The following OGN variants were observed in gnomAD, a reference collection of about 807,000 sequenced individuals.
The protein encoded by OGN is mimecan.
Under a neutral mutation model 30.8 loss-of-function variants are expected in OGN, and 19 were observed. The ratio of observed to expected loss-of-function variants is 0.62; its 90% CI spans 0.43 to 0.90. OGN has a LOEUF of 0.90. OGN is among the 40% of genes least tolerant of loss of function. The pLI, the probability that OGN is intolerant of heterozygous loss-of-function variation, is 0.00. For synonymous variants in OGN, 126 were observed against 128.3 expected, an observed-to-expected ratio of 0.98 and a Z score of 0.12; for missense variants, 283 against 349.7, an observed-to-expected ratio of 0.81 and a Z score of 1.52.
At chr9:92,401,868 A>G (rs1312271393) in intron 2 of OGN, among the ~76,000 whole-genome samples, 1 of 152,062 alleles carries the variant, frequency 6.6e-6, no homozygotes. Context: ...GTGGTGTCCT[A>G]TTCTTTCTGT....
chr9:92,393,075 G>A lies in OGN; in HGVS notation c.427+11C>T. 3 of 1,609,378 alleles carry A rather than the reference G, an allele frequency of 1.9e-6. No individual in the cohort carries two copies. Among genetic ancestry groups the A allele is most frequent in the Non-Finnish European group, 2.5e-6 (3 of 1,176,974 alleles). On this transcript the variant is annotated intron_variant, in intron 4 of 6. Transcript: ENST00000375561. ...GAGTTAATACTAATATCATATTTCA[G>A]CTTAACTTACGTATGTCTGCAAAAT...
chr9:92,391,290 C>G (rs1842671682), intron 4 of OGN, among the ~76,000 whole-genome samples: 1 of 151,746 alleles, frequency 6.6e-6, no homozygotes, highest in African/African-American at 2.4e-5. Flanking sequence ...ACTTGTAGTC[C>G]CAGCTACTCG....
At chr9:92,386,330 G>A (rs1842420327) in intron 5 of OGN, 34 bp from the exon 6 acceptor site, 1 of 1,344,640 alleles carries the variant, frequency 7.4e-7, no homozygotes, top group African/African-American at 1.4e-5. Context: ...TGTTATTGAG[G>A]TTCTGTACAT....
chr9:92,390,080 A>G (rs1230239037), intron 4 of OGN, 24 bp from the exon 5 acceptor site: 1 of 1,327,336 alleles, frequency 7.5e-7, no homozygotes, highest in Non-Finnish European at 1.1e-6. Flanking sequence ...AATATAAAAA[A>G]CAACTACGTA....
intron 3 of OGN, among the ~76,000 whole-genome samples, chr9:92,397,753 G>A (rs146190750): frequency 2.0e-5 from 3 of 152,284 alleles, no homozygotes; most frequent in Non-Finnish European, 2.9e-5. Context: ...GGAAATAAAT[G>A]TGTGTGTTTA....
At position 92,401,163 on chromosome 9, in the gene OGN, G is replaced by C. The variant is rs776643146; in HGVS notation, c.197C>G (p.Pro66Arg). ...NIKEKETVII[P>R]NEKSLQLQKD... ...TTGTAATTGAAGACTTTTCTCATTG[G>C]GTATTATCACAGTTTCTTTTTCCTA... The change falls in exon 3 of 7, where the codon CCC (proline) becomes CGC (arginine). Residue 66 changes from proline to arginine, a missense_variant. By Grantham distance (103) the Pro-to-Arg change is moderately radical. Transcript: ENST00000375561. 1 of 1,516,762 alleles carries C rather than the reference G, an allele frequency of 6.6e-7. No individual in the cohort carries two copies. Among genetic ancestry groups the C allele is most frequent in the Non-Finnish European group, 9.1e-7 (1 of 1,093,984 alleles). 94.0% of individuals were successfully genotyped at this position (1,516,762 alleles called of 1,614,324 possible).
chr9:92,392,620 G>C (rs574074250), intron 4 of OGN, among the ~76,000 whole-genome samples: 1 of 151,352 alleles, frequency 6.6e-6, no homozygotes, highest in African/African-American at 2.4e-5. Context: ...ATGTCGGGTT[G>C]GGGGGAGGGG....
At chr9:92,385,934 A>G in intron 6 of OGN, 144 bp from the exon 7 acceptor site, 2 of 737,596 alleles carry the variant, frequency 2.7e-6, no homozygotes, top group Middle Eastern at 3.2e-4. Flanking sequence ...GAAATACTCA[A>G]ATGTACACCT....
chr9:92,402,997 A>G (rs1843180814), intron 2 of OGN, among the ~76,000 whole-genome samples: 1 of 152,118 alleles, frequency 6.6e-6, no homozygotes, highest in Admixed American at 6.6e-5. Flanking sequence ...GTTTTCTTTA[A>G]GTTTTATTTT....
At position 92,385,434 on chromosome 9, in the gene OGN, G is replaced by T; in HGVS notation, c.*186C>A. On this transcript the variant is annotated 3_prime_UTR_variant, in exon 7 of 7. Transcript: ENST00000375561. ...ATTTTCATATTACTTTGTTTCGAAC[G>T]TAGACATTCAGTCTTACTTTTTACT... 1.9e-6 allele frequency: 1 copy of T among 529,492 alleles called. No individual in the cohort carries two copies. The highest frequency in any genetic ancestry group is 3.2e-5 in the South Asian group (1 of 31,388). 32.8% of individuals were successfully genotyped at this position (529,492 alleles called of 1,614,324 possible). A position where few individuals can be genotyped will look rare whatever the true frequency, so the allele number is the denominator to read the frequency against.
In OGN at chr9:92,393,197, A is replaced by G. The variant is rs1490428917; in HGVS notation, c.316T>C (p.Cys106Arg). The G allele has an allele frequency of 1.2e-6, 2 of 1,613,686 alleles. No homozygotes were observed. Among genetic ancestry groups the G allele is most frequent in the Non-Finnish European group, 8.5e-7 (1 of 1,179,740 alleles). ...ACAGCATCAATGTCAACTTCTTCACAGTATACAGAGCCACTTAAACAAACA... is the reference window on the plus strand; with the variant it reads ...ACAGCATCAATGTCAACTTCTTCACGGTATACAGAGCCACTTAAACAAACA... Reference protein sequence around the residue: ...LCVCLSGSVYCEEVDIDAVPP... With the variant: ...LCVCLSGSVYREEVDIDAVPP... Residue 106 changes from cysteine (C) to arginine (R), a missense_variant, in exon 4 of 7, where the codon TGT (cysteine) becomes CGT (arginine). Transcript: ENST00000375561.
At chr9:92,399,779 G>A (rs1374107399) in intron 3 of OGN, among the ~76,000 whole-genome samples, 1 of 152,112 alleles carries the variant, frequency 6.6e-6, no homozygotes, top group African/African-American at 2.4e-5. Context: ...AGTGATTTAG[G>A]TTGGTACCTT....
intron 2 of OGN, among the ~76,000 whole-genome samples, 182 bp from the exon 3 acceptor site, chr9:92,401,367 G>A (rs944349004): frequency 1.1e-4 from 16 of 152,078 alleles, no homozygotes; most frequent in Admixed American, 4.6e-4. Context: ...TTTTTAGCTT[G>A]TTTTTATTCT....
chr9:92,389,962 A>T lies in OGN; in HGVS notation c.522T>A (p.Leu174=). Residue 174 remains leucine, a synonymous_variant, in exon 5 of 7, where the codon CTT becomes CTA. Coordinates refer to ENST00000375561, the MANE Select transcript of OGN (RefSeq NM_014057.5). ...GAAGTTTTAGTAGTTGATTTTCAGC[A>T]AGTGAAAGTTCTTCTAACAGAGAAA... The part of the protein sequence containing the change: ...SKLSLLEELS[L]AENQLLKLPV... 4 of 1,610,764 alleles carry T rather than the reference A, an allele frequency of 2.5e-6. No individual in the cohort carries two copies. Among genetic ancestry groups the T allele is most frequent in the Non-Finnish European group, 3.4e-6 (4 of 1,177,164 alleles).
At chr9:92,392,020 A>AT (rs1425735852) in intron 4 of OGN, among the ~76,000 whole-genome samples, 5 of 152,028 alleles carry the variant, frequency 3.3e-5, no homozygotes, top group African/African-American at 1.2e-4. Context: ...TCTCGGTGTG[A>AT]TTTTTTTCAG....
At chr9:92,392,647 C>A (rs986896123) in intron 4 of OGN, among the ~76,000 whole-genome samples, 1 of 151,856 alleles carries the variant, frequency 6.6e-6, no homozygotes, top group African/African-American at 2.4e-5. Flanking sequence ...AAAAAAAACA[C>A]TTCCCAAGAT....
At chr9:92,398,608 A>G (rs1842987101) in intron 3 of OGN, among the ~76,000 whole-genome samples, 1 of 151,906 alleles carries the variant, frequency 6.6e-6, no homozygotes, top group Non-Finnish European at 1.5e-5. Context: ...GATCTTCCTC[A>G]TTCATTTTTA....
upstream of OGN, chr9:92,404,693 A>G: frequency 5.7e-6 from 7 of 1,238,454 alleles, no homozygotes; most frequent in Non-Finnish European, 7.3e-6. Flanking sequence ...CTAGGGTGAA[A>G]TGCAGTGTGT....
intron 4 of OGN, among the ~76,000 whole-genome samples, chr9:92,390,592 G>A (rs925555485): frequency 5.3e-5 from 8 of 152,076 alleles, no homozygotes; most frequent in African/African-American, 1.2e-4. Flanking sequence ...GTGTGTGCGC[G>A]CGCGCGTACT....
Sources: gnomAD v4.1 joint callset for allele counts (sites outside exome capture counted in the v4.1 genomes callset) on GRCh38, gnomAD v4.1.1 for gene constraint, MANE v1.5 for transcripts, NCBI Gene and HGNC (gene_info 2026-07-23, HGNC 2026-07-21) for gene names.